Variants in IGF1 observed in about 807,000 individuals in gnomAD.
IGF1 encodes the protein insulin like growth factor 1, also known as insulin-like growth factor 1.
In IGF1, 4 loss-of-function variants were observed where a neutral mutation model predicts 13.8. The observed-to-expected ratio is 0.29, with a 90% CI of 0.14 to 0.66. The LOEUF is 0.66. IGF1 is among the 30% of genes least tolerant of loss of function. The pLI is 0.78. For synonymous variants in IGF1, 76 were observed against 72.6 expected (o/e 1.05, Z -0.23); for missense variants, 124 against 188.5 (o/e 0.66, Z 2.00).
intron 2 of IGF1, among the ~76,000 whole-genome samples, chr12:102,466,123 A>G (rs1258864549): frequency 6.6e-6 from 1 of 152,194 alleles, no homozygotes; most frequent in Middle Eastern, 3.2e-3. Context: ...TAAGGCAAGA[A>G]AGAAAAGGCC....
intron 2 of IGF1, among the ~76,000 whole-genome samples, chr12:102,474,214 G>A (rs1169638105): frequency 6.6e-6 from 1 of 152,178 alleles, no homozygotes; most frequent in Non-Finnish European, 1.5e-5. Context: ...AAACAAGTCT[G>A]CTATTGGAAA....
chr12:102,457,340 C>A (rs969115665), intron 2 of IGF1, among the ~76,000 whole-genome samples: 3 of 152,132 alleles, frequency 2.0e-5, no homozygotes, highest in South Asian at 2.1e-4. Flanking sequence ...CCTATCTGGA[C>A]CGGGGGATAC....
intron 2 of IGF1, among the ~76,000 whole-genome samples, chr12:102,433,109 G>T (rs1299373228): frequency 1.3e-5 from 2 of 152,048 alleles, no homozygotes; most frequent in Admixed American, 1.3e-4. Context: ...CCCTAATCTG[G>T]TGTCTCTCCA....
chr12:102,396,927 G>C lies in IGF1; in HGVS notation c.*5580C>G. On this transcript the variant is annotated 3_prime_UTR_variant, in exon 4 of 4. Transcript: ENST00000337514. ...CATTAAGAGGGAACACATGGGCAGGGTGTGGTGGCTCATGCCTGTAATCCC... is the reference window on the plus strand; with the variant it reads ...CATTAAGAGGGAACACATGGGCAGGCTGTGGTGGCTCATGCCTGTAATCCC... 2.5e-6 allele frequency: 1 copy of C among 398,376 alleles called. No homozygotes were observed. The highest frequency in any genetic ancestry group is 2.1e-5 in the African/African-American group (1 of 48,710). The allele number at this position is 398,376 out of a possible 1,614,324, so 24.7% of individuals were successfully genotyped here. A position where few individuals can be genotyped will look rare whatever the true frequency, so the allele number is the denominator to read the frequency against.
intron 2 of IGF1, among the ~76,000 whole-genome samples, chr12:102,458,596 C>T (rs12301183): frequency 1.1e-4 from 17 of 152,018 alleles, no homozygotes; most frequent in East Asian, 5.8e-4. Context: ...CACATAAAAA[C>T]GAATAACAAT....
chr12:102,409,278 G>A (rs1024484432), intron 3 of IGF1, among the ~76,000 whole-genome samples: 4 of 152,146 alleles, frequency 2.6e-5, no homozygotes, highest in Non-Finnish European at 5.9e-5. Flanking sequence ...AGCCCTCTCT[G>A]GGTCTACATT....
rs1234253927 is a variant in IGF1 at position 102,396,732 on chromosome 12, G to T, written c.*5775C>A. On this transcript the variant is annotated 3_prime_UTR_variant, in exon 4 of 4. Coordinates refer to ENST00000337514, the MANE Select transcript of IGF1 (RefSeq NM_000618.5). ...AGCTCCGGTTATTAGGAGAAACTCT[G>T]TCTCCATCTTAACTCATATTTCAGT... The T allele has an allele frequency of 1.0e-5, 4 of 394,252 alleles. No homozygotes were observed. Among genetic ancestry groups the T allele is most frequent in the African/African-American group, 2.1e-5 (1 of 48,390 alleles). The allele number at this position is 394,252 out of a possible 1,614,324, so 24.4% of individuals were successfully genotyped here.
intron 2 of IGF1, among the ~76,000 whole-genome samples, chr12:102,466,521 C>G (rs1880335039): frequency 6.6e-6 from 1 of 152,094 alleles, no homozygotes; most frequent in Non-Finnish European, 1.5e-5. Context: ...ATAGTCTGAC[C>G]CAAAATGTCA....
intron 3 of IGF1, among the ~76,000 whole-genome samples, chr12:102,403,051 G>T (rs5742697): frequency 3.3e-5 from 5 of 152,166 alleles, no homozygotes; most frequent in African/African-American, 1.2e-4. Context: ...CAGAGTTTCA[G>T]AAATCGAAGA....
In IGF1 at chr12:102,400,367, T is replaced by C. The variant is rs1467489233; in HGVS notation, c.*2140A>G. On this transcript the variant is annotated 3_prime_UTR_variant, in exon 4 of 4. Coordinates refer to ENST00000337514, the MANE Select transcript of IGF1 (RefSeq NM_000618.5). ...CTTGATCTGCAGATAGGGATCATTT[T>C]CTAGGCTATGATGGACTAGTACACT... is the stretch of plus-strand genomic sequence containing the variant. 1 of 152,156 alleles carries C rather than the reference T, an allele frequency of 6.6e-6. No individual in the cohort carries two copies. Among genetic ancestry groups the C allele is most frequent in the African/African-American group, 2.4e-5 (1 of 41,438 alleles). 9.4% of individuals were successfully genotyped at this position (152,156 alleles called of 1,614,324 possible).
intron 3 of IGF1, among the ~76,000 whole-genome samples, chr12:102,419,099 T>G (rs141321974): frequency 1.3e-5 from 2 of 152,354 alleles, no homozygotes; most frequent in African/African-American, 4.8e-5. Context: ...CATCTCAAAG[T>G]ATATGCATGA....
chr12:102,480,115 A>G (rs1460325836), intron 1 of IGF1, among the ~76,000 whole-genome samples: 3 of 152,162 alleles, frequency 2.0e-5, no homozygotes, highest in Admixed American at 6.5e-5. Flanking sequence ...AATAGTTTCT[A>G]CTCATACAGA....
chr12:102,440,003 T>G (rs1349315205), intron 2 of IGF1, among the ~76,000 whole-genome samples: 1 of 152,176 alleles, frequency 6.6e-6, no homozygotes, highest in Non-Finnish European at 1.5e-5. Flanking sequence ...CTGGAGATCT[T>G]TAAATGTAGG....
rs1262938063 is a variant in IGF1, at chr12:102,477,995, T to C, written c.64-2196A>G. On this transcript the variant is annotated intron_variant, in intron 1 of 3. Transcript: ENST00000337514. ...ATTTTTTTTAAATAGATTTCTCTTT[T>C]TCTTTTTTTTTTTTTTTGCTGAGTT... 6.3e-5 allele frequency among the ~76,000 whole-genome samples: 6 copies of C among 95,416 alleles called. No homozygotes were observed. In the South Asian group the frequency reaches 1.3e-3, roughly 21 times the overall value. The allele number at this position is 95,416 out of a possible 152,430, so 62.6% of individuals were successfully genotyped here.
intron 3 of IGF1, among the ~76,000 whole-genome samples, chr12:102,413,773 G>T (rs146128628): frequency 4.9e-4 from 74 of 152,242 alleles, no homozygotes; most frequent in African/African-American, 1.6e-3. Context: ...AATTTTAACT[G>T]GTTGAGAAAA....
At chr12:102,412,619 G>T (rs905343127) in intron 3 of IGF1, among the ~76,000 whole-genome samples, 1 of 151,946 alleles carries the variant, frequency 6.6e-6, no homozygotes, top group Non-Finnish European at 1.5e-5. Context: ...AATCATATTA[G>T]TTAAAAAAAT....
At chr12:102,459,502 T>G (rs1199166603) in intron 2 of IGF1, among the ~76,000 whole-genome samples, 1 of 151,872 alleles carries the variant, frequency 6.6e-6, no homozygotes, top group Non-Finnish European at 1.5e-5. Context: ...ACAGCTGTTA[T>G]GGATCTCGGT....
At chr12:102,438,596 C>T (rs192128976) in intron 2 of IGF1, among the ~76,000 whole-genome samples, 86 of 152,242 alleles carry the variant, frequency 5.6e-4, no homozygotes, top group African/African-American at 1.9e-3. Flanking sequence ...CCATTAACTT[C>T]CTGAGGAACA....
intron 2 of IGF1, among the ~76,000 whole-genome samples, chr12:102,458,900 A>G (rs1879671492): frequency 6.6e-6 from 1 of 152,158 alleles, no homozygotes; most frequent in South Asian, 2.1e-4. Context: ...AATAAGTCAC[A>G]TAGGTCGGAT....
Sources: allele counts gnomAD v4.1 joint callset (sites outside exome capture counted in the v4.1 genomes callset), GRCh38; gene constraint gnomAD v4.1.1; transcripts MANE v1.5; gene names NCBI Gene and HGNC (gene_info 2026-07-23, HGNC 2026-07-21).